Variants in GPC5 observed in about 807,000 individuals in gnomAD.
GPC5 encodes glypican-5.
A neutral mutation model predicts 53.9 loss-of-function variants in GPC5; 47 were observed. The observed-to-expected ratio is 0.87, with a 90% CI of 0.69 to 1.11. The LOEUF is 1.11. Among genes scored for constraint, GPC5 ranks in the 50% most tolerant of loss-of-function variants. The probability of loss-of-function intolerance (pLI) is 0.00; values close to 1 mark genes in which losing one functional copy is unlikely to be tolerated. For synonymous variants in GPC5, 286 were observed against 263.3 expected, an observed-to-expected ratio of 1.09 and a Z score of -0.84; for missense variants, 748 against 713.1, an observed-to-expected ratio of 1.05 and a Z score of -0.56.
At chr13:91,794,683 G>A (rs2138757327) in intron 5 of GPC5, among the ~76,000 whole-genome samples, 1 of 152,316 alleles carries the variant, frequency 6.6e-6, no homozygotes, top group African/African-American at 2.4e-5. Context: ...ATTAGGTCTA[G>A]GGTCTAACGT....
At chr13:91,608,825 G>A (rs950761697) in intron 2 of GPC5, among the ~76,000 whole-genome samples, 11 of 151,514 alleles carry the variant, frequency 7.3e-5, no homozygotes, top group African/African-American at 2.2e-4. Flanking sequence ...GATCTGAGCT[G>A]GTTTCAATGG....
chr13:91,689,214 TATATATATATATATATAC>T (rs1424827449), intron 2 of GPC5, among the ~76,000 whole-genome samples: 1,239 of 122,030 alleles, frequency 0.01, 46 homozygotes, highest in African/African-American at 0.037. Context: ...TATATATATA[TATATATATATATATATAC>T]ACATATAAAA....
rs371630878 is a variant in GPC5 at position 92,044,325 on chromosome 13, A to G, written c.1402-100505A>G. On this transcript the variant is annotated intron_variant, in intron 6 of 7. Coordinates refer to ENST00000377067, the MANE Select transcript of GPC5 (RefSeq NM_004466.6). ...ACAGGTTAAGTAAAATGGTTATGTA[A>G]ATAAGGCCCTAAGCTGAGCTTCTAG... Among the ~76,000 whole-genome samples the G allele has an allele frequency of 2.0e-5, 3 of 152,302 alleles. No homozygotes were observed. In the East Asian group the frequency reaches 5.8e-4, roughly 29 times the overall value.
Position 91,997,721 on chromosome 13 carries a change from T to C in GPC5, c.1401+89664T>C, listed in dbSNP as rs1410124291. 3.9e-5 allele frequency among the ~76,000 whole-genome samples: 6 copies of C among 152,142 alleles called. No homozygotes were observed. In the East Asian group the frequency reaches 9.6e-4, roughly 24 times the overall value. Reference sequence around the variant, plus strand: ...TTTTAGTAGAGACGGGGTTTCACCATGTTGGCTAGGTTGGTCTTGAACTCC... The same window carrying C: ...TTTTAGTAGAGACGGGGTTTCACCACGTTGGCTAGGTTGGTCTTGAACTCC... On this transcript the variant is annotated intron_variant, in intron 6 of 7. Transcript: ENST00000377067.
In GPC5 at chr13:91,481,227, A is replaced by G. The variant is rs116756577; in HGVS notation, c.325+32305A>G. 5.1e-3 allele frequency among the ~76,000 whole-genome samples: 769 copies of G among 152,264 alleles called. 8 individuals are homozygous for G. Among genetic ancestry groups the G allele is most frequent in the African/African-American group, 0.017 (727 of 41,550 alleles). On this transcript the variant is annotated intron_variant, in intron 2 of 7. Transcript: ENST00000377067. ...GTTATTTTAAAGCTGTGGTCCCCAA[A>G]TCTCTTTGTAGTATTTCTAATCTTG...
chr13:92,117,540 C>T (rs570016168), intron 6 of GPC5, among the ~76,000 whole-genome samples: 19 of 152,164 alleles, frequency 1.2e-4, no homozygotes, highest in African/African-American at 3.4e-4. Flanking sequence ...ATTTGATTTG[C>T]TCTTAATTTT....
intron 7 of GPC5, among the ~76,000 whole-genome samples, chr13:92,433,743 A>G (rs1877190977): frequency 6.6e-6 from 1 of 152,186 alleles, no homozygotes. Flanking sequence ...ATTAAAAAGG[A>G]GAAAAAGCCT....
At chr13:92,769,482 A>G (rs1875531690) in intron 7 of GPC5, among the ~76,000 whole-genome samples, 1 of 151,978 alleles carries the variant, frequency 6.6e-6, no homozygotes. Flanking sequence ...CAATCCCAGC[A>G]CTTTGGGAGA....
chr13:92,361,283 G>A (rs1404056308), intron 7 of GPC5, among the ~76,000 whole-genome samples: 5 of 151,666 alleles, frequency 3.3e-5, no homozygotes, highest in African/African-American at 1.2e-4. Flanking sequence ...GGGGGGACCT[G>A]TGAATTAGAG....
At chr13:92,822,627 A>T (rs942850574) in intron 7 of GPC5, among the ~76,000 whole-genome samples, 2 of 152,276 alleles carry the variant, frequency 1.3e-5, no homozygotes, top group South Asian at 4.1e-4. Flanking sequence ...TTAATCTTTA[A>T]GAGGGTGGAC....
chr13:91,755,185 C>G (rs1014022987), intron 4 of GPC5, among the ~76,000 whole-genome samples: 1 of 152,040 alleles, frequency 6.6e-6, no homozygotes, highest in African/African-American at 2.4e-5. Context: ...AGTAACAGAG[C>G]TGACAAAATG....
intron 5 of GPC5, among the ~76,000 whole-genome samples, chr13:91,875,828 T>C (rs1162378876): frequency 6.6e-6 from 1 of 152,208 alleles, no homozygotes; most frequent in Non-Finnish European, 1.5e-5. Context: ...ATAGCTACAG[T>C]GCATTGTCAA....
chr13:92,653,185 A>G (rs1886011518), intron 7 of GPC5, among the ~76,000 whole-genome samples: 1 of 152,210 alleles, frequency 6.6e-6, no homozygotes, highest in African/African-American at 2.4e-5. Flanking sequence ...TCAGAAGGAT[A>G]GGGTGAATAT....
chr13:92,160,564 G>C (rs2041980063), intron 7 of GPC5, among the ~76,000 whole-genome samples: 1 of 152,110 alleles, frequency 6.6e-6, no homozygotes, highest in Non-Finnish European at 1.5e-5. Flanking sequence ...TTCTGGGTGA[G>C]AAATTTCCTG....
intron 7 of GPC5, among the ~76,000 whole-genome samples, chr13:92,634,069 A>G (rs1466386103): frequency 1.6e-4 from 24 of 152,202 alleles, no homozygotes; most frequent in Admixed American, 1.4e-3. Context: ...AAAAACACTA[A>G]CAAAATTATC....
intron 7 of GPC5, among the ~76,000 whole-genome samples, chr13:92,180,234 T>A (rs1368667702): frequency 4.6e-5 from 7 of 152,326 alleles, no homozygotes; most frequent in Admixed American, 4.6e-4. Context: ...TCCTTTTGTT[T>A]AAGGCTGCAG....
At chr13:92,689,538 T>A (rs1887333002) in intron 7 of GPC5, among the ~76,000 whole-genome samples, 1 of 92,540 alleles carries the variant, frequency 1.1e-5, no homozygotes, top group South Asian at 6.2e-4. Flanking sequence ...AGTCTGTGTC[T>A]TTTAATTGCA....
At chr13:92,225,167 C>T (rs2042476303) in intron 7 of GPC5, among the ~76,000 whole-genome samples, 1 of 152,110 alleles carries the variant, frequency 6.6e-6, no homozygotes, top group Non-Finnish European at 1.5e-5. Context: ...CCTTATTGTT[C>T]CTGGCTGGAA....
At chr13:92,554,626 T>G (rs1206918627) in intron 7 of GPC5, among the ~76,000 whole-genome samples, 1 of 151,338 alleles carries the variant, frequency 6.6e-6, no homozygotes, top group Admixed American at 6.6e-5. Flanking sequence ...AAATTATTTT[T>G]CAAATATAAA....
Sources: allele counts gnomAD v4.1 joint callset (sites outside exome capture counted in the v4.1 genomes callset), GRCh38; gene constraint gnomAD v4.1.1; transcripts MANE v1.5; gene names NCBI Gene and HGNC (gene_info 2026-07-23, HGNC 2026-07-21).